SOX5: variants seen among roughly 807,000 people sequenced by gnomAD.
SOX5 encodes the protein SRY-box transcription factor 5, also known as transcription factor SOX-5.
A neutral mutation model predicts 92.0 loss-of-function variants in SOX5; 9 were observed. That is an observed-to-expected ratio of 0.10 (90% CI 0.06 to 0.17). The LOEUF (loss-of-function observed/expected upper bound fraction) is 0.17. Among genes scored for constraint, SOX5 ranks in the 10% least tolerant of loss-of-function variants. SOX5 has a pLI of 1.00. For synonymous variants in SOX5, 344 were observed against 336.3 expected, an observed-to-expected ratio of 1.02 and a Z score of -0.25; for missense variants, 642 against 944.5, an observed-to-expected ratio of 0.68 and a Z score of 4.20.
intron 8 of SOX5, among the ~76,000 whole-genome samples, chr12:23,610,823 A>G (rs1190130351): frequency 6.6e-6 from 1 of 152,170 alleles, no homozygotes; most frequent in African/African-American, 2.4e-5. Context: ...CTGAATGTCT[A>G]TTTGCAAAAT....
At chr12:24,136,057 G>A (rs76803912) in intron 4 of SOX5, among the ~76,000 whole-genome samples, 6,509 of 152,266 alleles carry the variant, frequency 0.043, 458 homozygotes, top group African/African-American at 0.15. Flanking sequence ...ATTTTAAATA[G>A]TCCCAAAGAG....
intron 9 of SOX5, among the ~76,000 whole-genome samples, chr12:23,594,722 C>T (rs540908619): frequency 6.6e-6 from 1 of 152,166 alleles, no homozygotes; most frequent in African/African-American, 2.4e-5. Flanking sequence ...CCTATAGGAT[C>T]TGGTCTTTCT....
At chr12:24,100,643 A>C (rs1000343013) in intron 4 of SOX5, among the ~76,000 whole-genome samples, 1 of 152,040 alleles carries the variant, frequency 6.6e-6, no homozygotes, top group African/African-American at 2.4e-5. Context: ...TTATGTCTCT[A>C]ACCCAAATTT....
chr12:23,803,604 T>A (rs1020257764), intron 3 of SOX5, among the ~76,000 whole-genome samples: 1 of 152,196 alleles, frequency 6.6e-6, no homozygotes, highest in African/African-American at 2.4e-5. Context: ...TACCAAATAC[T>A]GTATTAGCCT....
intron 1 of SOX5, among the ~76,000 whole-genome samples, chr12:23,934,849 A>T (rs1339260519): frequency 6.6e-6 from 1 of 151,360 alleles, no homozygotes. Flanking sequence ...TAAGGCATGC[A>T]GAGTTTATGT....
intron 11 of SOX5, among the ~76,000 whole-genome samples, chr12:23,556,453 G>A (rs994859287): frequency 6.6e-6 from 1 of 152,052 alleles, no homozygotes; most frequent in Admixed American, 6.6e-5. Flanking sequence ...AATCACTTGT[G>A]TTATTTTAAT....
At chr12:24,559,584 T>G (rs1954137443) in intron 1 of SOX5, among the ~76,000 whole-genome samples, 1 of 152,050 alleles carries the variant, frequency 6.6e-6, no homozygotes, top group African/African-American at 2.4e-5. Context: ...TAAACTTGCT[T>G]TGTAAGTAAA....
chr12:24,506,782 G>GTTTTT (rs1386116375), intron 1 of SOX5, among the ~76,000 whole-genome samples: 11 of 80,272 alleles, frequency 1.4e-4, no homozygotes, highest in Admixed American at 3.1e-4. Flanking sequence ...TATCCAAATG[G>GTTTTT]TCTTTTTTTT....
At chr12:24,506,192 A>T (rs989411628) in intron 1 of SOX5, among the ~76,000 whole-genome samples, 19 of 152,126 alleles carry the variant, frequency 1.2e-4, no homozygotes, top group African/African-American at 2.9e-4. Context: ...TTACATTTTT[A>T]AAAAATATTA....
chr12:24,527,548 G>A (rs1950824631), intron 1 of SOX5, among the ~76,000 whole-genome samples: 1 of 152,176 alleles, frequency 6.6e-6, no homozygotes, highest in African/African-American at 2.4e-5. Context: ...GGTTTTCAAA[G>A]TCTACCAAAT....
intron 4 of SOX5, among the ~76,000 whole-genome samples, chr12:24,182,246 GAATTTAAAGGGGATAA>G (rs1189924475): frequency 6.6e-6 from 1 of 152,170 alleles, no homozygotes; most frequent in Non-Finnish European, 1.5e-5. Flanking sequence ...ATACAGTATA[GAATTTAAAGGGGATAA>G]AATTTAAAGG....
chr12:24,435,967 T>G (rs537923460), intron 1 of SOX5, among the ~76,000 whole-genome samples: 9 of 152,326 alleles, frequency 5.9e-5, no homozygotes, highest in African/African-American at 2.2e-4. Context: ...TTTTTGCAAG[T>G]GTTTCAGGAT....
chr12:23,585,382 T>C (rs137953192), intron 9 of SOX5, among the ~76,000 whole-genome samples: 1 of 152,298 alleles, frequency 6.6e-6, no homozygotes, highest in African/African-American at 2.4e-5. Context: ...AGGAACTATT[T>C]AGCCACAGGC....
At chr12:23,982,945 C>T (rs1592057348) in intron 4 of SOX5, among the ~76,000 whole-genome samples, 1 of 152,092 alleles carries the variant, frequency 6.6e-6, no homozygotes, top group African/African-American at 2.4e-5. Flanking sequence ...CCACTGGCTA[C>T]TCTATGGAAC....
chr12:24,118,328 T>C (rs1948274059), intron 4 of SOX5, among the ~76,000 whole-genome samples: 1 of 152,174 alleles, frequency 6.6e-6, no homozygotes, highest in Non-Finnish European at 1.5e-5. Flanking sequence ...TACTATCTAC[T>C]ATGTATACAT....
chr12:24,236,484 T>A (rs1270994431), intron 3 of SOX5, among the ~76,000 whole-genome samples: 2 of 152,218 alleles, frequency 1.3e-5, no homozygotes, highest in African/African-American at 4.8e-5. Flanking sequence ...CAAGCTAGCA[T>A]GGAAGAAATT....
chr12:24,422,545 T>G (rs925332067), intron 1 of SOX5, among the ~76,000 whole-genome samples: 2 of 152,176 alleles, frequency 1.3e-5, no homozygotes, highest in African/African-American at 2.4e-5. Flanking sequence ...ACCTTGTAGA[T>G]GAAATTTTAG....
chr12:23,814,218 A>C (rs1255547417), intron 3 of SOX5, among the ~76,000 whole-genome samples: 3 of 152,220 alleles, frequency 2.0e-5, no homozygotes, highest in African/African-American at 7.2e-5. Flanking sequence ...GGAATTAAAA[A>C]TGTCTTCACA....
chr12:23,609,264 G>A (rs1469601739), intron 8 of SOX5, among the ~76,000 whole-genome samples: 2 of 152,120 alleles, frequency 1.3e-5, no homozygotes, highest in Non-Finnish European at 2.9e-5. Context: ...CCTTATGGAA[G>A]CTTTTGAAAC....
Sources: allele counts gnomAD v4.1 joint callset (sites outside exome capture counted in the v4.1 genomes callset), GRCh38; gene constraint gnomAD v4.1.1; transcripts MANE v1.5; gene names NCBI Gene and HGNC (gene_info 2026-07-23, HGNC 2026-07-21).